The following CHAF1A variants were observed in gnomAD, a reference collection of about 807,000 sequenced individuals.
The protein encoded by CHAF1A is CAF-1 subunit A.
CHAF1A carries 5 observed loss-of-function variants against 93.2 expected under a neutral mutation model. The observed-to-expected ratio is 0.05, with a 90% CI of 0.03 to 0.11. CHAF1A has a LOEUF of 0.11. Among genes scored for constraint, CHAF1A ranks in the 10% least tolerant of loss-of-function variants. CHAF1A has a pLI of 1.00. For missense variants in CHAF1A, 1,102 were observed against 1,259.9 expected (o/e 0.87, Z 1.90); for synonymous variants, 504 against 510.3 (o/e 0.99, Z 0.17).
At chr19:4,434,785 C>T (rs933474055) in intron 13 of CHAF1A, among the ~76,000 whole-genome samples, 14 of 152,250 alleles carry the variant, frequency 9.2e-5, no homozygotes, top group Admixed American at 7.2e-4. Context: ...GCACTCTGAT[C>T]GGTCTCTCAG....
chr19:4,423,528 C>A, intron 6 of CHAF1A, 133 bp downstream of exon 6: 1 of 1,479,772 alleles, frequency 6.8e-7, no homozygotes, highest in Non-Finnish European at 9.1e-7. Context: ...GCAGGGAGGG[C>A]GAGTCTGTCT....
chr19:4,413,306 G>A (rs887565435), intron 3 of CHAF1A, among the ~76,000 whole-genome samples: 4 of 152,108 alleles, frequency 2.6e-5, no homozygotes, highest in East Asian at 1.9e-4. Flanking sequence ...TCCTGACCTC[G>A]TGATCCGCCC....
chr19:4,448,528 C>T (rs1029077562), downstream of CHAF1A: 2 of 842,398 alleles, frequency 2.4e-6, no homozygotes, highest in Non-Finnish European at 3.8e-6. Context: ...CTTGGAGCGG[C>T]CCCAGCTGTG....
At position 4,406,679 on chromosome 19, in the gene CHAF1A, T is replaced by C. The variant is rs563249380; in HGVS notation, c.103+717T>C. ...CGATCTCCTGACCTTGTGATCCCCCTGCCTCAGCCTTTCAAAGTGCTGGGA... is the reference window on the plus strand; with the variant it reads ...CGATCTCCTGACCTTGTGATCCCCCCGCCTCAGCCTTTCAAAGTGCTGGGA... On this transcript the variant is annotated intron_variant, in intron 2 of 14. Coordinates refer to ENST00000301280, the MANE Select transcript of CHAF1A (RefSeq NM_005483.3). Among the ~76,000 whole-genome samples the C allele has an allele frequency of 3.1e-4, 47 of 152,260 alleles. 1 individual carries two copies. Among genetic ancestry groups the C allele is most frequent in the African/African-American group, 1.1e-3 (46 of 41,550 alleles).
chr19:4,410,225 G>A (rs1295856231), intron 3 of CHAF1A, among the ~76,000 whole-genome samples: 1 of 151,996 alleles, frequency 6.6e-6, no homozygotes, highest in Non-Finnish European at 1.5e-5. Context: ...ATTCTGTAGG[G>A]TCAGCACAGC....
chr19:4,414,704 T>C (rs1273646709), intron 3 of CHAF1A, among the ~76,000 whole-genome samples: 1 of 152,206 alleles, frequency 6.6e-6, no homozygotes, highest in African/African-American at 2.4e-5. Context: ...AGCTGTTTTC[T>C]CAGTTCTGCT....
intron 13 of CHAF1A, among the ~76,000 whole-genome samples, chr19:4,436,615 G>A (rs552007693): frequency 6.6e-6 from 1 of 152,312 alleles, no homozygotes; most frequent in Non-Finnish European, 1.5e-5. Context: ...CACTATGCAA[G>A]CAGTTTTCCA....
In CHAF1A at chr19:4,422,545, A is replaced by T; in HGVS notation, c.1018-21A>T. 1 of 1,554,674 alleles carries T rather than the reference A, an allele frequency of 6.4e-7. No individual in the cohort carries two copies. Among genetic ancestry groups the T allele is most frequent in the African/African-American group, 1.4e-5 (1 of 73,596 alleles). On this transcript the variant is annotated intron_variant, in intron 4 of 14. Coordinates refer to ENST00000301280, the MANE Select transcript of CHAF1A (RefSeq NM_005483.3). This position sits in a 1 kb window ranked among gnomAD's most constrained non-coding sequence, Gnocchi z 4.6. The stretch of plus-strand genomic sequence containing the variant: ...GGAGTTGGAGGGAGGGCCACCTGTC[A>T]CTTGCCACACTGTCTTGTAGGATCA...
chr19:4,428,291 C>CT (rs71166995), intron 7 of CHAF1A, among the ~76,000 whole-genome samples: 2,191 of 138,126 alleles, frequency 0.016, 26 homozygotes, highest in South Asian at 0.04. Context: ...TGCCCCCGGC[C>CT]TTTTTTTTTT....
intron 2 of CHAF1A, among the ~76,000 whole-genome samples, chr19:4,407,239 AC>A (rs367659429): frequency 5.0e-4 from 56 of 111,694 alleles, no homozygotes; most frequent in African/African-American, 8.8e-4. Context: ...CTCCCCCCAC[AC>A]CCCCCCCAAA....
At chr19:4,411,101 G>C (rs181384641) in intron 3 of CHAF1A, among the ~76,000 whole-genome samples, 5 of 152,044 alleles carry the variant, frequency 3.3e-5, no homozygotes, top group Admixed American at 2.6e-4. Flanking sequence ...TTCATGTTGG[G>C]TCTTTATATG....
intron 3 of CHAF1A, among the ~76,000 whole-genome samples, chr19:4,414,011 GTGTTAC>G (rs1057091067): frequency 2.0e-5 from 3 of 152,170 alleles, no homozygotes; most frequent in Non-Finnish European, 2.9e-5. Context: ...TGGTGCAGTT[GTGTTAC>G]TGGAATCTTT....
chr19:4,432,248 C>A (rs1368582529), intron 12 of CHAF1A, 41 bp downstream of exon 12: 4 of 1,554,632 alleles, frequency 2.6e-6, no homozygotes, highest in South Asian at 2.3e-5. Context: ...TGTTCCTGGG[C>A]CCAGCTAATT....
chr19:4,405,834 A>G (rs1486233874), intron 1 of CHAF1A, 78 bp from the exon 2 acceptor site: 3 of 1,285,462 alleles, frequency 2.3e-6, no homozygotes, highest in Non-Finnish European at 3.4e-6. Flanking sequence ...CTTGTACATA[A>G]TTGGCTCTAC....
intron 4 of CHAF1A, among the ~76,000 whole-genome samples, chr19:4,420,116 G>A (rs1973964698): frequency 6.6e-6 from 1 of 152,184 alleles, no homozygotes; most frequent in South Asian, 2.1e-4. Context: ...TTAGAGACAA[G>A]GGCAGATATC....
downstream of CHAF1A, chr19:4,446,828 C>A (rs1442788071): frequency 6.2e-7 from 1 of 1,614,040 alleles, no homozygotes; most frequent in Admixed American, 1.7e-5. Context: ...CAGGCCCTGT[C>A]CACTTACCCT....
In CHAF1A at chr19:4,422,939, G is replaced by A. The variant is rs751636984; in HGVS notation, c.1247+144G>A. The A allele has an allele frequency of 5.6e-5, 46 of 816,572 alleles. No individual in the cohort carries two copies. The highest frequency in any genetic ancestry group is 8.9e-5 in the Non-Finnish European group (46 of 518,318). 50.6% of individuals were successfully genotyped at this position (816,572 alleles called of 1,614,324 possible). A position where few individuals can be genotyped will look rare whatever the true frequency, so the allele number is the denominator to read the frequency against. On this transcript the variant is annotated intron_variant, in intron 5 of 14. Coordinates refer to ENST00000301280, the MANE Select transcript of CHAF1A (RefSeq NM_005483.3). The surrounding 1 kb of genome is among the most constrained non-coding windows in gnomAD (Gnocchi z 4.6). ...CATTTCTCCTTCGTGAGGTGCCCGTGGGGCCCTGACGTGGGAGCGGTGGAA... is the reference window on the plus strand; with the variant it reads ...CATTTCTCCTTCGTGAGGTGCCCGTAGGGCCCTGACGTGGGAGCGGTGGAA...
chr19:4,428,634 A>C, intron 7 of CHAF1A, 30 bp from the exon 8 acceptor site: 1 of 1,591,144 alleles, frequency 6.3e-7, no homozygotes, highest in Non-Finnish European at 8.6e-7. Flanking sequence ...CATTGCTCGA[A>C]GACCCCATCG....
At position 4,437,885 on chromosome 19, in the gene CHAF1A, G is replaced by A. The variant is rs190358410; in HGVS notation, c.2673+4346G>A. Among the ~76,000 whole-genome samples the A allele has an allele frequency of 4.9e-4, 75 of 152,128 alleles. No homozygotes were observed. The South Asian group carries it at 7.5e-3, about 15-fold the overall frequency. ...CTCCCAAGTAGGTGGGACTACAGGCGCCCACCACCACGCCCAGCTAATTTT... is the reference window on the plus strand; with the variant it reads ...CTCCCAAGTAGGTGGGACTACAGGCACCCACCACCACGCCCAGCTAATTTT... On this transcript the variant is annotated intron_variant, in intron 13 of 14. Transcript: ENST00000301280.
Sources: gnomAD v4.1 joint callset for allele counts (sites outside exome capture counted in the v4.1 genomes callset) on GRCh38, gnomAD v4.1.1 for gene constraint, Gnocchi (gnomAD v3.1) non-coding constraint, MANE v1.5 for transcripts, NCBI Gene and HGNC (gene_info 2026-07-23, HGNC 2026-07-21) for gene names.